PCDHA13: variants seen among roughly 807,000 people sequenced by gnomAD.
PCDHA13 encodes the protein protocadherin alpha-13.
Under a neutral mutation model 64.8 loss-of-function variants are expected in PCDHA13, and 54 were observed. That is an observed-to-expected ratio of 0.83 (90% CI 0.67 to 1.04). The LOEUF is 1.04. PCDHA13 is among the 50% of genes least tolerant of loss of function. The probability of loss-of-function intolerance (pLI) is 0.00; values close to 1 mark genes in which losing one functional copy is unlikely to be tolerated. For missense variants in PCDHA13, 1,248 were observed against 1,254.3 expected, an observed-to-expected ratio of 0.99 and a Z score of 0.08; for synonymous variants, 587 against 564.4, an observed-to-expected ratio of 1.04 and a Z score of -0.57.
At chr5:140,940,547 C>G (rs1256617271) in intron 1 of PCDHA13, among the ~76,000 whole-genome samples, 1 of 152,018 alleles carries the variant, frequency 6.6e-6, no homozygotes, top group Admixed American at 6.6e-5. Flanking sequence ...TTCCTGGGCT[C>G]AAGTGATTCT....
chr5:140,899,848 C>T (rs2067590475), intron 1 of PCDHA13, among the ~76,000 whole-genome samples: 1 of 152,178 alleles, frequency 6.6e-6, no homozygotes, highest in Non-Finnish European at 1.5e-5. Flanking sequence ...TGCTGTGTCA[C>T]CCAGGCTGGA....
intron 1 of PCDHA13, among the ~76,000 whole-genome samples, chr5:140,898,820 G>A (rs1303151513): frequency 6.6e-6 from 1 of 152,208 alleles, no homozygotes; most frequent in Admixed American, 6.5e-5. Context: ...TCCTACCCAT[G>A]AGCATGGAAT....
chr5:140,909,249 G>A (rs1180498257), intron 1 of PCDHA13, among the ~76,000 whole-genome samples: 1 of 152,196 alleles, frequency 6.6e-6, no homozygotes, highest in Non-Finnish European at 1.5e-5. Flanking sequence ...TATATTGCTG[G>A]CCTTGCTGAC....
chr5:140,969,023 C>T lies in PCDHA13; in HGVS notation c.2395-9926C>T. ...CTTCTGTGGAGTAAGGGAAAGGTCC[C>T]CTGCAGAACTGTACAAACAAGCCAA... is the stretch of plus-strand genomic sequence containing the variant. On this transcript the variant is annotated intron_variant, in intron 1 of 3. Coordinates refer to ENST00000289272, the MANE Select transcript of PCDHA13 (RefSeq NM_018904.3). The T allele has an allele frequency of 3.1e-6, 5 of 1,614,124 alleles. No homozygotes were observed. In the Admixed American group the frequency reaches 5.0e-5, roughly 16 times the overall value.
chr5:140,912,723 A>C (rs781874290), intron 1 of PCDHA13, among the ~76,000 whole-genome samples: 21 of 152,256 alleles, frequency 1.4e-4, no homozygotes, highest in Admixed American at 1.1e-3. Context: ...TCCATTCAAT[A>C]TGATGTTGGC....
At chr5:140,912,674 A>G (rs184432134) in intron 1 of PCDHA13, among the ~76,000 whole-genome samples, 14 of 152,238 alleles carry the variant, frequency 9.2e-5, no homozygotes, top group Admixed American at 7.2e-4. Flanking sequence ...GGCATCCTTG[A>G]CTTATTCCAG....
At position 140,885,285 on chromosome 5, in the gene PCDHA13, T is replaced by G. The variant is rs146462007; in HGVS notation, c.2394+623T>G. On this transcript the variant is annotated intron_variant, in intron 1 of 3. Transcript: ENST00000289272. ...ACTCATACATATATATATACATATA[T>G]AGAGAGAGACCTGGTAGGCTTTTTG... 7.5e-4 allele frequency among the ~76,000 whole-genome samples: 114 copies of G among 152,298 alleles called. No individual in the cohort carries two copies. In the East Asian group the frequency reaches 9.8e-3, roughly 13 times the overall value.
rs151084513 is a variant in PCDHA13, at chr5:140,927,608, G to T, written c.2394+42946G>T. The T allele has an allele frequency of 1.2e-6, 2 of 1,614,168 alleles. No individual in the cohort carries two copies. The highest frequency in any genetic ancestry group is 3.3e-4 in the Middle Eastern group (2 of 6,062). Reference sequence around the variant, plus strand: ...CCTGTATTTGAGCGCTCCGTATACCGCACCAAGGTTCCAGAGACTGCACCC... The same window carrying T: ...CCTGTATTTGAGCGCTCCGTATACCTCACCAAGGTTCCAGAGACTGCACCC... On this transcript the variant is annotated intron_variant, in intron 1 of 3. Coordinates refer to ENST00000289272, the MANE Select transcript of PCDHA13 (RefSeq NM_018904.3).
intron 1 of PCDHA13, among the ~76,000 whole-genome samples, chr5:140,925,950 A>G (rs2082820493): frequency 6.6e-6 from 1 of 152,030 alleles, no homozygotes. Flanking sequence ...GGAGAAGGAG[A>G]AACTGCTATC....
intron 1 of PCDHA13, among the ~76,000 whole-genome samples, chr5:140,940,929 A>G (rs2092704989): frequency 1.3e-5 from 2 of 152,230 alleles, no homozygotes; most frequent in Non-Finnish European, 2.9e-5. Flanking sequence ...CTCCTTGGCT[A>G]CTTAGACTAC....
chr5:140,949,639 T>C (rs1563239072), intron 1 of PCDHA13, among the ~76,000 whole-genome samples: 1 of 152,036 alleles, frequency 6.6e-6, no homozygotes, highest in East Asian at 1.9e-4. Flanking sequence ...ATATTGCTTT[T>C]TGTTCATTTT....
intron 1 of PCDHA13, among the ~76,000 whole-genome samples, chr5:140,897,173 G>A (rs1212341088): frequency 6.6e-6 from 1 of 151,926 alleles, no homozygotes; most frequent in East Asian, 1.9e-4. Context: ...CTATCTCCAT[G>A]GGTTCAAAAA....
At chr5:140,898,543 A>G (rs1284006764) in intron 1 of PCDHA13, among the ~76,000 whole-genome samples, 2 of 152,224 alleles carry the variant, frequency 1.3e-5, no homozygotes, top group East Asian at 3.9e-4. Flanking sequence ...TGTTCCATTT[A>G]TCTATGTCTC....
intron 1 of PCDHA13, chr5:140,926,601 T>G: frequency 3.1e-6 from 1 of 317,718 alleles, no homozygotes; most frequent in Non-Finnish European, 5.7e-6. Context: ...GCGGGCGGCC[T>G]CGTCTCTGCA....
rs782029549 is a variant in PCDHA13, at chr5:140,884,520, C to A, written c.2252C>A (p.Ser751Ter). 1 of 1,614,036 alleles carries A rather than the reference C, an allele frequency of 6.2e-7. No homozygotes were observed. Among genetic ancestry groups the A allele is most frequent in the Non-Finnish European group, 8.5e-7 (1 of 1,179,984 alleles). ...AGCGCGGCAGGGAGTTGGTCGTACT[C>A]GCAGCAGAGGCGGCCGAGGGTGTGC... ...CSSAAGSWSY[S>*]QQRRPRVCSG... is the part of the protein sequence containing the mutation. Residue 751 changes from serine to a stop codon, truncating the protein, a stop_gained, in exon 1 of 4, where the codon TCG (serine) becomes TAG (stop). Coordinates refer to ENST00000289272, the MANE Select transcript of PCDHA13 (RefSeq NM_018904.3). LOFTEE classifies it high-confidence loss of function.
chr5:140,987,120 A>G (rs1224513029), intron 3 of PCDHA13, among the ~76,000 whole-genome samples: 9 of 151,956 alleles, frequency 5.9e-5, no homozygotes, highest in African/African-American at 2.2e-4. Context: ...AGGCTGAGGC[A>G]GGAGAATTGC....
At chr5:140,966,730 C>T in intron 1 of PCDHA13, 1 of 1,405,456 alleles carries the variant, frequency 7.1e-7, no homozygotes, top group Non-Finnish European at 9.2e-7. Context: ...CTGCCGCCTC[C>T]GGCCCTGCCC....
At position 141,009,749 on chromosome 5, in the gene PCDHA13, A is replaced by G. The variant is rs2098414176; in HGVS notation, c.2665A>G (p.Ile889Val). Residue 889 changes from isoleucine to valine, a missense_variant, in exon 4 of 4, where the codon ATT (isoleucine) becomes GTT (valine). Ile to Val is a conservative substitution (Grantham distance 29). Transcript: ENST00000289272. ...SGPGELPDKFIIPGSPAIISI... is the reference protein window; with the variant it reads ...SGPGELPDKFVIPGSPAIISI... The stretch of plus-strand genomic sequence containing the variant: ...TCCCGGTGAGTTGCCCGACAAATTC[A>G]TTATCCCAGGATCTCCTGCAATCAT... 3 of 1,614,200 alleles carry G rather than the reference A, an allele frequency of 1.9e-6. No homozygotes were observed. The highest frequency in any genetic ancestry group is 1.6e-4 in the Middle Eastern group (1 of 6,062).
chr5:140,973,199 G>A (rs574187280), intron 1 of PCDHA13, among the ~76,000 whole-genome samples: 3 of 152,296 alleles, frequency 2.0e-5, no homozygotes, highest in East Asian at 3.9e-4. Context: ...CACTATGTGT[G>A]CATATTCACC....
Sources: allele counts gnomAD v4.1 joint callset (sites outside exome capture counted in the v4.1 genomes callset), GRCh38; gene constraint gnomAD v4.1.1; transcripts MANE v1.5; gene names NCBI Gene and HGNC (gene_info 2026-07-23, HGNC 2026-07-21).